The following TIAM2 variants were observed in gnomAD, a reference collection of about 807,000 sequenced individuals.
The protein encoded by TIAM2 is rho guanine nucleotide exchange factor TIAM2.
Under a neutral mutation model 152.9 loss-of-function variants are expected in TIAM2, and 80 were observed. That is an observed-to-expected ratio of 0.52 (90% CI 0.44 to 0.63). The LOEUF (loss-of-function observed/expected upper bound fraction) is 0.63, where lower values mean the gene tolerates loss of function less well. Among genes scored for constraint, TIAM2 ranks in the 30% least tolerant of loss-of-function variants. The pLI, the probability that TIAM2 is intolerant of heterozygous loss-of-function variation, is 0.00. For missense variants in TIAM2, 1,965 were observed against 2,120.1 expected (o/e 0.93, Z 1.44); for synonymous variants, 804 against 838.0 (o/e 0.96, Z 0.70).
chr6:155,060,191 G>A (rs770196900), intron 1 of TIAM2, among the ~76,000 whole-genome samples: 1 of 152,096 alleles, frequency 6.6e-6, no homozygotes, highest in Non-Finnish European at 1.5e-5. Context: ...ATCACCTGAG[G>A]TTGGGAGTTC....
intron 9 of TIAM2, among the ~76,000 whole-genome samples, chr6:155,172,666 ATATATATATATATATATATATTTTTT>A (rs1359850253): frequency 7.5e-4 from 7 of 9,324 alleles, no homozygotes; most frequent in African/African-American, 1.7e-3. Flanking sequence ...ATATATATAT[ATATATATATATATATATATATTTTTT>A]TTTTTTTTTT....
chr6:155,092,359 A>G (rs1406943725), intron 2 of TIAM2, among the ~76,000 whole-genome samples: 1 of 152,086 alleles, frequency 6.6e-6, no homozygotes, highest in East Asian at 1.9e-4. Context: ...CAGCCTCCCA[A>G]AGTGCTGGGA....
intron 2 of TIAM2, among the ~76,000 whole-genome samples, chr6:155,122,281 A>C (rs1048713690): frequency 6.6e-6 from 1 of 152,076 alleles, no homozygotes; most frequent in Non-Finnish European, 1.5e-5. Context: ...GCTACAGAGC[A>C]TACTCATGTG....
At chr6:155,231,383 T>G (rs1782466079) in intron 15 of TIAM2, among the ~76,000 whole-genome samples, 1 of 152,368 alleles carries the variant, frequency 6.6e-6, no homozygotes, top group African/African-American at 2.4e-5. Flanking sequence ...CTTCCTCCTT[T>G]TTGTACCATT....
rs138511608 is a variant in TIAM2, at chr6:155,040,667, C to T, written c.-209+45175C>T. On this transcript the variant is annotated intron_variant, in intron 1 of 26. Coordinates refer to ENST00000682666, the MANE Select transcript of TIAM2 (RefSeq NM_012454.4). ...CCGGGTAGCTGGGACTACAGGTATG[C>T]GCTACCACACCCGGCTAATTTTTGT... Among the ~76,000 whole-genome samples, 415 of 152,098 alleles carry T rather than the reference C, an allele frequency of 2.7e-3. 1 individual carries two copies. The highest frequency in any genetic ancestry group is 8.8e-3 in the African/African-American group (366 of 41,488).
chr6:155,149,354 G>A (rs1779893854), intron 7 of TIAM2: 1 of 166,992 alleles, frequency 6.0e-6, no homozygotes, highest in Non-Finnish European at 1.5e-5. Flanking sequence ...GTTGTCAAAT[G>A]ACCTGGGAAC....
rs543195248 is a variant in TIAM2, at chr6:155,146,046, G to A, written c.1803+1268G>A. Reference sequence around the variant, plus strand: ...ACATTAAATCTGCATGGATTTCTTAGGGTCAAGTGTGAAATGAATGTTTTA... The same window carrying A: ...ACATTAAATCTGCATGGATTTCTTAAGGTCAAGTGTGAAATGAATGTTTTA... On this transcript the variant is annotated intron_variant, in intron 6 of 26. Transcript: ENST00000682666. Among the ~76,000 whole-genome samples, 7 of 152,268 alleles carry A rather than the reference G, an allele frequency of 4.6e-5. No homozygotes were observed. The South Asian group carries it at 1.5e-3, about 32-fold the overall frequency.
Position 155,183,483 on chromosome 6 carries a change from A to G in TIAM2, c.3047A>G (p.Lys1016Arg), listed in dbSNP as rs1353587716. The change falls in exon 14 of 27, where the codon AAA becomes AGA. Residue 1016 changes from lysine to arginine, a missense_variant. Physicochemically the swap from Lys to Arg is conservative, Grantham distance 26. Transcript: ENST00000682666. The stretch of plus-strand genomic sequence containing the variant: ...CTGGAGGAATTCCTGGATAACTTTA[A>G]AAAGAATACAGCCAATGGTAAGGCT... ...QLLEEFLDNFKKNTANDFSNV... is the reference protein window; with the variant it reads ...QLLEEFLDNFRKNTANDFSNV... The G allele has an allele frequency of 1.2e-6, 2 of 1,613,092 alleles. No homozygotes were observed. The highest frequency in any genetic ancestry group is 1.7e-6 in the Non-Finnish European group (2 of 1,179,798).
At chr6:155,168,226 C>T (rs1780491709) in intron 9 of TIAM2, among the ~76,000 whole-genome samples, 1 of 152,006 alleles carries the variant, frequency 6.6e-6, no homozygotes, top group Non-Finnish European at 1.5e-5. Flanking sequence ...TAACATTTAG[C>T]TATATTTTCT....
chr6:155,089,918 T>TCATC (rs1182674817), intron 1 of TIAM2, among the ~76,000 whole-genome samples: 3 of 152,046 alleles, frequency 2.0e-5, no homozygotes, highest in African/African-American at 7.2e-5. Flanking sequence ...TGTCTGTCAA[T>TCATC]CATCCATCCA....
chr6:155,005,125 C>T (rs1778377011), intron 1 of TIAM2: 3 of 239,330 alleles, frequency 1.3e-5, no homozygotes, highest in South Asian at 1.6e-4. Context: ...AAGGCTCTCT[C>T]CAATTAGCCT....
intron 1 of TIAM2, among the ~76,000 whole-genome samples, chr6:155,062,581 C>T (rs28816671): frequency 7.0e-5 from 10 of 143,262 alleles, no homozygotes; most frequent in African/African-American, 1.0e-4. Context: ...TTTTCTTTTT[C>T]TTTTCTTTTT....
At position 155,116,620 on chromosome 6, in the gene TIAM2, C is replaced by T. The variant is rs370277226; in HGVS notation, c.-117-10870C>T. ...AGAATGTGATTGGGGTTTAGGAGGA[C>T]GGTATCTGCTTCTGATGTACTGAAG... On this transcript the variant is annotated intron_variant, in intron 2 of 26. Coordinates refer to ENST00000682666, the MANE Select transcript of TIAM2 (RefSeq NM_012454.4). Among the ~76,000 whole-genome samples the T allele has an allele frequency of 4.6e-5, 7 of 152,270 alleles. No individual in the cohort carries two copies. In the East Asian group the frequency reaches 7.7e-4, roughly 17 times the overall value.
intron 9 of TIAM2, among the ~76,000 whole-genome samples, chr6:155,170,565 C>T (rs1780560831): frequency 6.6e-6 from 1 of 152,178 alleles, no homozygotes; most frequent in Non-Finnish European, 1.5e-5. Flanking sequence ...CGCACCACTG[C>T]ACTCTGACCT....
chr6:155,081,984 A>G (rs1778071755), intron 1 of TIAM2, among the ~76,000 whole-genome samples: 1 of 152,106 alleles, frequency 6.6e-6, no homozygotes, highest in African/African-American at 2.4e-5. Flanking sequence ...TTTCATCCCT[A>G]TCCTGCCTCA....
chr6:155,122,475 G>A (rs12212841), intron 2 of TIAM2, among the ~76,000 whole-genome samples: 179 of 56,706 alleles, frequency 3.2e-3, no homozygotes, highest in East Asian at 0.022. Flanking sequence ...AATGGAGAAT[G>A]GAAGGTAGGA....
chr6:155,143,034 G>A (rs1160706291), intron 5 of TIAM2, among the ~76,000 whole-genome samples: 1 of 152,236 alleles, frequency 6.6e-6, no homozygotes, highest in East Asian at 1.9e-4. Context: ...GTAGGATAAA[G>A]TACCGTGAAG....
intron 2 of TIAM2, 45 bp downstream of exon 2, chr6:155,090,424 T>C (rs1032497065): frequency 5.9e-5 from 9 of 152,202 alleles, no homozygotes; most frequent in African/African-American, 2.2e-4. Context: ...TAAAAGTATA[T>C]GTCAGTCTGT....
At chr6:155,023,912 ACT>A (rs949507604) in intron 1 of TIAM2, among the ~76,000 whole-genome samples, 5 of 151,976 alleles carry the variant, frequency 3.3e-5, no homozygotes, top group African/African-American at 1.2e-4. Flanking sequence ...TATTTCCAAG[ACT>A]CTGTTTTATC....
Sources: allele counts gnomAD v4.1 joint callset (sites outside exome capture counted in the v4.1 genomes callset), GRCh38; gene constraint gnomAD v4.1.1; transcripts MANE v1.5; gene names NCBI Gene and HGNC (gene_info 2026-07-23, HGNC 2026-07-21).